Variants in CACNA1C observed in about 807,000 individuals in gnomAD.
CACNA1C encodes voltage-dependent L-type calcium channel subunit alpha-1C.
CACNA1C carries 30 observed loss-of-function variants against 229.0 expected under a neutral mutation model. That is an observed-to-expected ratio of 0.13 (90% CI 0.10 to 0.18). The LOEUF is 0.18. Ranked by LOEUF, CACNA1C falls within the 10% of genes least tolerant of loss-of-function variation. CACNA1C has a pLI of 1.00. For synonymous variants in CACNA1C, 1,114 were observed against 1,132.5 expected (o/e 0.98, Z 0.33); for missense variants, 1,658 against 2,845.0 (o/e 0.58, Z 9.49).
At chr12:1,993,489 G>T in intron 1 of CACNA1C, 1 of 1,457,454 alleles carries the variant, frequency 6.9e-7, no homozygotes, top group Non-Finnish European at 9.2e-7. Context: ...CTCAACCTTT[G>T]TTTGTATATG....
rs539841343 is a variant in CACNA1C at position 2,675,649 on chromosome 12, AT to A, written c.4828+1009del. 3.4e-3 allele frequency among the ~76,000 whole-genome samples: 511 copies of A among 152,356 alleles called. 2 individuals are homozygous for A. The highest frequency in any genetic ancestry group is 0.012 in the African/African-American group (484 of 41,588). On this transcript the variant is annotated intron_variant, in intron 39 of 46. Coordinates refer to ENST00000399655, the MANE Select transcript of CACNA1C (RefSeq NM_000719.7). ...TTTCCTCAATTTACACAGCAGTTGT[AT>A]TCCTGGAAATTGTCAGGTGTGTTAA...
chr12:2,513,003 C>CTG lies in CACNA1C; in HGVS notation c.1390+23_1390+24dup. The CTG allele has an allele frequency of 6.3e-7, 1 of 1,578,188 alleles. No individual in the cohort carries two copies. Among genetic ancestry groups the CTG allele is most frequent in the Middle Eastern group, 1.7e-4 (1 of 6,008 alleles). ...CGAAACAGTGAGCAGCCGTCTTCTT[C>CTG]TGTGTTTGGGCTGGGTTCTGGGGGA... On this transcript the variant is annotated intron_variant, in intron 9 of 46. Coordinates refer to ENST00000399655, the MANE Select transcript of CACNA1C (RefSeq NM_000719.7).
intron 5 of CACNA1C, among the ~76,000 whole-genome samples, chr12:2,485,694 G>GA (rs1176229146): frequency 6.6e-6 from 1 of 152,094 alleles, no homozygotes; most frequent in Non-Finnish European, 1.5e-5. Flanking sequence ...CCCACCATGG[G>GA]AAAAACCTCG....
At chr12:2,456,305 G>C (rs140079938) in intron 4 of CACNA1C, among the ~76,000 whole-genome samples, 3 of 152,118 alleles carry the variant, frequency 2.0e-5, no homozygotes, top group Non-Finnish European at 2.9e-5. Context: ...CCAGTGTCTC[G>C]CGCCTGGATG....
chr12:2,475,945 C>T (rs529990642), intron 5 of CACNA1C, among the ~76,000 whole-genome samples: 14 of 152,228 alleles, frequency 9.2e-5, no homozygotes, highest in South Asian at 6.2e-4. Flanking sequence ...TGTGATAAAT[C>T]ATACATTGTA....
At chr12:2,340,036 A>G (rs1306540884) in intron 3 of CACNA1C, among the ~76,000 whole-genome samples, 1 of 152,224 alleles carries the variant, frequency 6.6e-6, no homozygotes, top group East Asian at 1.9e-4. Flanking sequence ...CTTTTGTGGC[A>G]TTAAATATGA....
At chr12:2,059,116 G>A (rs189820064) in intron 1 of CACNA1C, among the ~76,000 whole-genome samples, 1 of 152,310 alleles carries the variant, frequency 6.6e-6, no homozygotes, top group East Asian at 1.9e-4. Flanking sequence ...TTGCTTCAGT[G>A]CTAGCTGTGT....
chr12:2,573,631 C>T (rs1324750126), intron 13 of CACNA1C, among the ~76,000 whole-genome samples: 1 of 152,180 alleles, frequency 6.6e-6, no homozygotes, highest in Non-Finnish European at 1.5e-5. Flanking sequence ...GTCCAAGGGT[C>T]GGGAACAGGG....
chr12:2,521,678 A>C (rs1240715945), intron 9 of CACNA1C, among the ~76,000 whole-genome samples: 1 of 152,142 alleles, frequency 6.6e-6, no homozygotes, highest in Non-Finnish European at 1.5e-5. Context: ...GCCTGCGTTC[A>C]GTCAGTCAAG....
intron 3 of CACNA1C, among the ~76,000 whole-genome samples, chr12:2,126,075 T>C (rs1333462702): frequency 6.6e-6 from 1 of 152,222 alleles, no homozygotes; most frequent in Non-Finnish European, 1.5e-5. Context: ...TTTCTAACAC[T>C]TTGCTTTCTT....
At position 2,578,255 on chromosome 12, in the gene CACNA1C, A is replaced by G. The variant is rs183899745; in HGVS notation, c.1896-3335A>G. ...TGAAGGAGCTGAAGGGGTGAGCTCC[A>G]CTGACGTCTGCCAAAGAACCTGCGG... On this transcript the variant is annotated intron_variant, in intron 13 of 46. Coordinates refer to ENST00000399655, the MANE Select transcript of CACNA1C (RefSeq NM_000719.7). Among the ~76,000 whole-genome samples, 208 of 152,320 alleles carry G rather than the reference A, an allele frequency of 1.4e-3. 1 individual carries two copies. Among genetic ancestry groups the G allele is most frequent in the African/African-American group, 4.9e-3 (202 of 41,576 alleles).
At chr12:2,242,850 C>T (rs962634321) in intron 3 of CACNA1C, among the ~76,000 whole-genome samples, 27 of 152,274 alleles carry the variant, frequency 1.8e-4, no homozygotes, top group African/African-American at 6.5e-4. Flanking sequence ...CTTTCATATG[C>T]GTGATTTCAT....
intron 3 of CACNA1C, among the ~76,000 whole-genome samples, chr12:2,153,770 G>A (rs1251929337): frequency 6.6e-6 from 1 of 152,184 alleles, no homozygotes. Flanking sequence ...TCCTTCCTGG[G>A]AGATGGAGCA....
intron 1 of CACNA1C, among the ~76,000 whole-genome samples, chr12:1,974,061 A>G (rs1026893979): frequency 3.9e-5 from 6 of 152,194 alleles, no homozygotes; most frequent in Non-Finnish European, 8.8e-5. Context: ...CTAGACTATA[A>G]GCTCCTGGAG....
rs1033997286 is a variant in CACNA1C, at chr12:2,450,291, A to G, written c.617+1176A>G. Reference sequence around the variant, plus strand: ...CAGGTGAGGTCAGGCGCGGTGGCTCACACCTGTAATCCCAGCACTTTGGGA... The same window carrying G: ...CAGGTGAGGTCAGGCGCGGTGGCTCGCACCTGTAATCCCAGCACTTTGGGA... On this transcript the variant is annotated intron_variant, in intron 4 of 46. Coordinates refer to ENST00000399655, the MANE Select transcript of CACNA1C (RefSeq NM_000719.7). Among the ~76,000 whole-genome samples the G allele has an allele frequency of 2.6e-5, 4 of 152,162 alleles. No homozygotes were observed. The South Asian group carries it at 6.2e-4, about 24-fold the overall frequency.
intron 3 of CACNA1C, among the ~76,000 whole-genome samples, chr12:2,313,891 G>A (rs184608643): frequency 2.0e-5 from 3 of 152,276 alleles, no homozygotes; most frequent in Admixed American, 2.0e-4. Flanking sequence ...CCCTGTCTGA[G>A]CAGGAAATAA....
intron 3 of CACNA1C, among the ~76,000 whole-genome samples, chr12:2,437,816 G>T (rs377681650): frequency 2.7e-5 from 4 of 150,146 alleles, no homozygotes; most frequent in Admixed American, 2.0e-4. Flanking sequence ...GATGATGGTG[G>T]TGGTGGTAAT....
chr12:2,466,839 C>T lies in CACNA1C; in HGVS notation c.757+9133C>T, dbSNP rs373108810. Among the ~76,000 whole-genome samples, 60 of 152,274 alleles carry T rather than the reference C, an allele frequency of 3.9e-4. 1 individual carries two copies. Among genetic ancestry groups the T allele is most frequent in the South Asian group, 1.2e-3 (6 of 4,828 alleles). ...CCCTCTCCCACATGCTCATCCCCAC[C>T]GCACCAGGCTGTACCCTCACTGCTT... is the stretch of plus-strand genomic sequence containing the variant. On this transcript the variant is annotated intron_variant, in intron 5 of 46. Transcript: ENST00000399655.
At chr12:2,526,233 G>C (rs1038167614) in intron 9 of CACNA1C, among the ~76,000 whole-genome samples, 1 of 152,206 alleles carries the variant, frequency 6.6e-6, no homozygotes, top group African/African-American at 2.4e-5. Context: ...CCCTGAGTCT[G>C]TCCTCATTCC....
Sources: allele counts gnomAD v4.1 joint callset (sites outside exome capture counted in the v4.1 genomes callset), GRCh38; gene constraint gnomAD v4.1.1; transcripts MANE v1.5; gene names NCBI Gene and HGNC (gene_info 2026-07-23, HGNC 2026-07-21).